ITGB8: variants seen among roughly 807,000 people sequenced by gnomAD.
ITGB8 encodes integrin beta-8.
A neutral mutation model predicts 89.5 loss-of-function variants in ITGB8; 30 were observed. The ratio of observed to expected loss-of-function variants is 0.34; its 90% CI spans 0.25 to 0.45. The LOEUF is 0.45. Ranked by LOEUF, ITGB8 falls within the 20% of genes least tolerant of loss-of-function variation. The pLI is 1.00. For synonymous variants in ITGB8, 335 were observed against 320.4 expected (o/e 1.05, Z -0.49); for missense variants, 836 against 933.3 (o/e 0.90, Z 1.36).
rs190419109 is a variant in ITGB8, at chr7:20,397,637, C to T, written c.1147-1223C>T. 1.6e-4 allele frequency among the ~76,000 whole-genome samples: 25 copies of T among 152,308 alleles called. No homozygotes were observed. The East Asian group carries it at 2.1e-3, about 13-fold the overall frequency. ...TTCCACATATGAACATCTTTGTATA[C>T]CACTGGAAGTTTATATTGATTTACC... On this transcript the variant is annotated intron_variant, in intron 8 of 13. Transcript: ENST00000222573.
chr7:20,366,091 A>G (rs1785685486), intron 2 of ITGB8: 1 of 152,152 alleles, frequency 6.6e-6, no homozygotes, highest in East Asian at 1.9e-4. Flanking sequence ...TCTACACTAC[A>G]TAAGTAATTG....
chr7:20,336,381 G>A (rs961963309), intron 1 of ITGB8, among the ~76,000 whole-genome samples: 2 of 152,198 alleles, frequency 1.3e-5, no homozygotes, highest in Non-Finnish European at 2.9e-5. Flanking sequence ...TCCAGAAGGT[G>A]CAGCAAATTG....
chr7:20,407,528 C>T (rs1333800390), intron 12 of ITGB8, among the ~76,000 whole-genome samples: 1 of 152,050 alleles, frequency 6.6e-6, no homozygotes, highest in East Asian at 1.9e-4. Context: ...AAGAAAAATC[C>T]CAGCTCTTAG....
intron 1 of ITGB8, among the ~76,000 whole-genome samples, chr7:20,354,198 T>A (rs902555544): frequency 3.9e-5 from 6 of 152,188 alleles, no homozygotes; most frequent in African/African-American, 1.4e-4. Context: ...TGAGTGTATG[T>A]ACAAGGCTCA....
Position 20,414,005 on chromosome 7 carries a change from G to A in ITGB8, c.*4008G>A, listed in dbSNP as rs1041375311. 14 of 151,168 alleles carry A rather than the reference G, an allele frequency of 9.3e-5. No individual in the cohort carries two copies. Among genetic ancestry groups the A allele is most frequent in the Non-Finnish European group, 1.8e-4 (12 of 67,820 alleles). 9.4% of individuals were successfully genotyped at this position (151,168 alleles called of 1,614,324 possible). ...CTATAGCAAATTTTTATGTATAACT[G>A]ATTATACATATCCATATTTATATTT... On this transcript the variant is annotated 3_prime_UTR_variant, in exon 14 of 14. Coordinates refer to ENST00000222573, the MANE Select transcript of ITGB8 (RefSeq NM_002214.3).
intron 9 of ITGB8, among the ~76,000 whole-genome samples, chr7:20,401,267 C>G (rs561571637): frequency 1.2e-4 from 19 of 152,316 alleles, no homozygotes; most frequent in African/African-American, 4.3e-4. Context: ...GTGTGAGCCA[C>G]CACGCCAGGC....
At chr7:20,401,348 C>A (rs1226803360) in intron 9 of ITGB8, among the ~76,000 whole-genome samples, 1 of 152,118 alleles carries the variant, frequency 6.6e-6, no homozygotes, top group Non-Finnish European at 1.5e-5. Flanking sequence ...TCTCTAGTGT[C>A]AAATATTCAA....
chr7:20,402,924 A>G (rs1171304361), intron 10 of ITGB8, among the ~76,000 whole-genome samples: 1 of 152,244 alleles, frequency 6.6e-6, no homozygotes, highest in Non-Finnish European at 1.5e-5. Context: ...GAGTTCTGTG[A>G]TAATTTTCCT....
At chr7:20,395,529 T>C (rs960564898) in intron 8 of ITGB8, among the ~76,000 whole-genome samples, 4 of 152,248 alleles carry the variant, frequency 2.6e-5, no homozygotes, top group African/African-American at 9.6e-5. Context: ...CTTGAGTTGA[T>C]GGTTGTATGC....
At chr7:20,351,660 C>T (rs1785117143) in intron 1 of ITGB8, among the ~76,000 whole-genome samples, 1 of 152,100 alleles carries the variant, frequency 6.6e-6, no homozygotes. Flanking sequence ...TCCTAAGTGA[C>T]CTAAAATTCA....
At chr7:20,341,744 T>A (rs1385667213) in intron 1 of ITGB8, among the ~76,000 whole-genome samples, 3 of 152,170 alleles carry the variant, frequency 2.0e-5, no homozygotes, top group African/African-American at 7.2e-5. Context: ...GGGGTCAGCA[T>A]AGCACTGATG....
chr7:20,394,833 T>C, intron 7 of ITGB8, 63 bp from the exon 8 acceptor site: 1 of 1,068,112 alleles, frequency 9.4e-7, no homozygotes. Flanking sequence ...ATTTACTATT[T>C]GTTGGTTGCT....
intron 1 of ITGB8, among the ~76,000 whole-genome samples, chr7:20,347,868 T>C (rs1189501726): frequency 6.6e-6 from 1 of 152,156 alleles, no homozygotes; most frequent in Non-Finnish European, 1.5e-5. Flanking sequence ...GCCAAAGACA[T>C]AACAAGGGGA....
chr7:20,377,252 CCA>C (rs1485663301), intron 3 of ITGB8: 1 of 152,174 alleles, frequency 6.6e-6, no homozygotes, highest in Non-Finnish European at 1.5e-5. Context: ...GACAGAGCCA[CCA>C]TAAACTGCAA....
intron 1 of ITGB8, among the ~76,000 whole-genome samples, chr7:20,346,412 A>C (rs1317877249): frequency 1.3e-5 from 2 of 152,168 alleles, no homozygotes; most frequent in East Asian, 3.8e-4. Flanking sequence ...AGAGCCTTCT[A>C]GGGATTAGAA....
At chr7:20,395,524 G>A (rs1279256941) in intron 8 of ITGB8, among the ~76,000 whole-genome samples, 2 of 152,228 alleles carry the variant, frequency 1.3e-5, no homozygotes, top group Non-Finnish European at 2.9e-5. Context: ...GTTTTCTTGA[G>A]TTGATGGTTG....
chr7:20,397,372 G>A (rs954408357), intron 8 of ITGB8, among the ~76,000 whole-genome samples: 2 of 152,066 alleles, frequency 1.3e-5, no homozygotes, highest in Non-Finnish European at 2.9e-5. Flanking sequence ...GATTACAGGC[G>A]TATCACGCAC....
At chr7:20,367,547 G>A (rs1785751887) in intron 3 of ITGB8, among the ~76,000 whole-genome samples, 1 of 151,722 alleles carries the variant, frequency 6.6e-6, no homozygotes. Flanking sequence ...TAAGTACTCT[G>A]TAAGTATTTG....
rs1787782332 is a variant in ITGB8, at chr7:20,412,050, G to A, written c.*2053G>A. On this transcript the variant is annotated 3_prime_UTR_variant, in exon 14 of 14. Transcript: ENST00000222573. ...TTTTTATAATAAACTTCCAAGATTTGCTGTCTTCCAGCACTTGAGTTAAAG... is the reference window on the plus strand; with the variant it reads ...TTTTTATAATAAACTTCCAAGATTTACTGTCTTCCAGCACTTGAGTTAAAG... The A allele has an allele frequency of 6.6e-6, 1 of 152,422 alleles. No individual in the cohort carries two copies. Among genetic ancestry groups the A allele is most frequent in the Non-Finnish European group, 1.5e-5 (1 of 68,006 alleles). 9.4% of individuals were successfully genotyped at this position (152,422 alleles called of 1,614,324 possible).
Sources: allele counts gnomAD v4.1 joint callset (sites outside exome capture counted in the v4.1 genomes callset), GRCh38; gene constraint gnomAD v4.1.1; transcripts MANE v1.5; gene names NCBI Gene and HGNC (gene_info 2026-07-23, HGNC 2026-07-21).